The following NCAPH2 variants were observed in gnomAD, a reference collection of about 807,000 sequenced individuals.
NCAPH2 encodes the protein non-SMC condensin II complex subunit H2.
In NCAPH2, 56 loss-of-function variants were observed where a neutral mutation model predicts 88.6. The ratio of observed to expected loss-of-function variants is 0.63; its 90% confidence interval spans 0.51 to 0.79. The LOEUF is 0.79. Among genes scored for constraint, NCAPH2 ranks in the 30% least tolerant of loss-of-function variants. The pLI is 0.00. For synonymous variants in NCAPH2, 378 were observed against 313.6 expected (o/e 1.21, Z -2.17); for missense variants, 794 against 792.0 (o/e 1.00, Z -0.03).
chr22:50,522,181 A>T lies in NCAPH2; in HGVS notation c.1163A>T (p.Asp388Val). ...GCCCTCACAAGGCCTTTGTCTGCAG[A>T]CATGGAGGTCCTGTACTGGACACAC... ...RLRRKGPSFA[D>V]MEVLYWTHVK... is the part of the protein sequence containing the mutation. Residue 388 changes from aspartate (D) to valine (V), a missense_variant and splice_region_variant, in exon 14 of 20, where the codon GAC becomes GTC. Around this residue, in one of 2 missense-constraint regions of NCAPH2, gnomAD observed 735 missense variants for 696.3 expected, o/e 1.06. Transcript: ENST00000420993. 6.2e-7 allele frequency: 1 copy of T among 1,613,148 alleles called. No homozygotes were observed. Among genetic ancestry groups the T allele is most frequent in the African/African-American group, 1.3e-5 (1 of 75,020 alleles).
chr22:50,518,721 C>G lies in NCAPH2; in HGVS notation c.719C>G (p.Ser240Cys), dbSNP rs201371265. Reference protein sequence around the residue: ...CRSPVPALGFSQEPGPSPEGP... With the variant: ...CRSPVPALGFCQEPGPSPEGP... ...AGCCCTGTCCCAGCACTCGGCTTCT[C>G]CCAGGAGCCAGGTGAGAAGAGAGCT... Residue 240 changes from serine (S) to cysteine (C), a missense_variant, in exon 8 of 20, where the codon TCC becomes TGC. By Grantham distance (112) the Ser-to-Cys change is moderately radical. This residue lies in a region of NCAPH2 where 735 missense variants were observed against 696.3 expected (regional missense o/e 1.06). Coordinates refer to ENST00000420993, the MANE Select transcript of NCAPH2 (RefSeq NM_152299.4). 2.1e-5 allele frequency: 33 copies of G among 1,605,414 alleles called. No individual in the cohort carries two copies. In the Admixed American group the frequency reaches 4.1e-4, roughly 20 times the overall value.
At position 50,518,261 on chromosome 22, in the gene NCAPH2, T is replaced by C. The variant is rs2148662764; in HGVS notation, c.629T>C (p.Met210Thr). 1.2e-6 allele frequency: 2 copies of C among 1,613,218 alleles called. No individual in the cohort carries two copies. The highest frequency in any genetic ancestry group is 3.5e-4 in the Middle Eastern group (2 of 5,694). Reference protein sequence around the residue: ...SPMEPAGVSPMPGTQKDTGRT... With the variant: ...SPMEPAGVSPTPGTQKDTGRT... The stretch of plus-strand genomic sequence containing the variant: ...ATGGAACCAGCGGGCGTTTCCCCCA[T>C]GCCAGGGACCCAGAAGGGTGAGGGC... Residue 210 changes from methionine to threonine, a missense_variant, in exon 7 of 20, where the codon ATG (methionine) becomes ACG (threonine). Coordinates refer to ENST00000420993, the MANE Select transcript of NCAPH2 (RefSeq NM_152299.4).
chr22:50,519,361 C>G, intron 9 of NCAPH2, 41 bp downstream of exon 9: 1 of 1,606,250 alleles, frequency 6.2e-7, no homozygotes, highest in Non-Finnish European at 8.5e-7. Flanking sequence ...GAGCTGTGAA[C>G]TGGCAACCCT....
chr22:50,516,446 G>A lies in NCAPH2; in HGVS notation c.109-1G>A. 1 of 1,614,066 alleles carries A rather than the reference G, an allele frequency of 6.2e-7. No individual in the cohort carries two copies. Among genetic ancestry groups the A allele is most frequent in the Non-Finnish European group, 8.5e-7 (1 of 1,179,928 alleles). ...CCCTGTCTTTGTGTTGTTTCTTGCA[G>A]CTGGATCAGATCTGCATTTCTTTTG... is the stretch of plus-strand genomic sequence containing the variant. On this transcript the variant is annotated splice_acceptor_variant, in intron 1 of 19. Coordinates refer to ENST00000420993, the MANE Select transcript of NCAPH2 (RefSeq NM_152299.4). LOFTEE classifies it high-confidence loss of function.
chr22:50,519,274 C>A lies in NCAPH2; in HGVS notation c.815C>A (p.Ala272Asp). The A allele has an allele frequency of 1.9e-6, 3 of 1,606,654 alleles. No individual in the cohort carries two copies. The highest frequency in any genetic ancestry group is 2.5e-6 in the Non-Finnish European group (3 of 1,177,306). Residue 272 changes from alanine to aspartate, a missense_variant, in exon 9 of 20, where the codon GCC becomes GAC. Around this residue, in one of 2 missense-constraint regions of NCAPH2, gnomAD observed 735 missense variants for 696.3 expected, o/e 1.06. Coordinates refer to ENST00000420993, the MANE Select transcript of NCAPH2 (RefSeq NM_152299.4). ...EEAVELPEAS[A>D]PKAALEPKES... is the part of the protein sequence containing the mutation. ...GCAGTAGAGCTTCCTGAGGCCTCGGCCCCCAAGGCCGCTCTGGAGCCCAAG... is the reference window on the plus strand; with the variant it reads ...GCAGTAGAGCTTCCTGAGGCCTCGGACCCCAAGGCCGCTCTGGAGCCCAAG...
chr22:50,515,809 G>A, intron 1 of NCAPH2: 1 of 1,297,232 alleles, frequency 7.7e-7, no homozygotes, highest in Non-Finnish European at 1.0e-6. Context: ...GGGGACATTT[G>A]AATGTACTCT....
chr22:50,510,170 C>T (rs958788454), intron 1 of NCAPH2, among the ~76,000 whole-genome samples: 10 of 152,204 alleles, frequency 6.6e-5, no homozygotes, highest in African/African-American at 1.7e-4. Context: ...ATCCGCCTGC[C>T]TTGGCCTCCC....
chr22:50,512,067 T>A (rs1056523789), intron 1 of NCAPH2, among the ~76,000 whole-genome samples: 2 of 152,202 alleles, frequency 1.3e-5, no homozygotes, highest in African/African-American at 2.4e-5. Flanking sequence ...ATTGCAGGTG[T>A]GAGCCACTGC....
Position 50,523,785 on chromosome 22 carries a change from G to A in NCAPH2, c.*410G>A, listed in dbSNP as rs767336003. On this transcript the variant is annotated 3_prime_UTR_variant, in exon 20 of 20. Transcript: ENST00000420993. ...GGTCCTCATCCTTGGGGCCTGCATT[G>A]TAGTACACGCGGTAACTGTGACTAG... is the stretch of plus-strand genomic sequence containing the variant. 1.9e-6 allele frequency: 3 copies of A among 1,614,188 alleles called. No individual in the cohort carries two copies. The East Asian group carries it at 6.7e-5, about 36-fold the overall frequency.
rs2069171762 is a variant in NCAPH2 at position 50,523,268 on chromosome 22, C to T, written c.1711C>T (p.Pro571Ser). The T allele has an allele frequency of 1.9e-6, 3 of 1,610,990 alleles. No homozygotes were observed. The highest frequency in any genetic ancestry group is 2.5e-6 in the Non-Finnish European group (3 of 1,178,750). The change falls in exon 20 of 20, where the codon CCC becomes TCC. Residue 571 changes from proline to serine, a missense_variant. Coordinates refer to ENST00000420993, the MANE Select transcript of NCAPH2 (RefSeq NM_152299.4). The part of the protein sequence containing the change: ...NDYTVEITQQ[P>S]GLEMAVDTMS... ...CTACACAGTGGAGATAACCCAGCAG[C>T]CCGGGCTGGAGATGGCCGTGGACAC...
At chr22:50,511,943 G>A (rs2068795748) in intron 1 of NCAPH2, among the ~76,000 whole-genome samples, 1 of 152,138 alleles carries the variant, frequency 6.6e-6, no homozygotes, top group African/African-American at 2.4e-5. Flanking sequence ...CACCGTGCCT[G>A]GCCCCAGCTA....
In NCAPH2 at chr22:50,524,080, CCT is replaced by C; in HGVS notation, c.*708_*709del. 3.7e-6 allele frequency: 6 copies of C among 1,613,244 alleles called. No homozygotes were observed. The highest frequency in any genetic ancestry group is 5.1e-6 in the Non-Finnish European group (6 of 1,180,032). On this transcript the variant is annotated 3_prime_UTR_variant, in exon 20 of 20. Coordinates refer to ENST00000420993, the MANE Select transcript of NCAPH2 (RefSeq NM_152299.4). ...GAAGTCAGCCTTGCAGCGAGCCCGG[CCT>C]CTGTGATCCAGCAGGTGGAAGTCGC...
At position 50,524,553 on chromosome 22, in the gene NCAPH2, C is replaced by A; in HGVS notation, c.*1178C>A. The A allele has an allele frequency of 1.2e-6, 1 of 834,330 alleles. No individual in the cohort carries two copies. The highest frequency in any genetic ancestry group is 2.0e-6 in the Non-Finnish European group (1 of 492,720). 51.7% of individuals were successfully genotyped at this position (834,330 alleles called of 1,614,324 possible). On this transcript the variant is annotated 3_prime_UTR_variant, in exon 20 of 20. Coordinates refer to ENST00000420993, the MANE Select transcript of NCAPH2 (RefSeq NM_152299.4). ...CACGTTCAGGCTTAACAGGCATTTG[C>A]AGCTGCTCACCTGAGCTCAGAACTC... is the stretch of plus-strand genomic sequence containing the variant.
In NCAPH2 at chr22:50,523,274, C is replaced by T. The variant is rs762782697; in HGVS notation, c.1717C>T (p.Leu573=). 1.2e-6 allele frequency: 2 copies of T among 1,609,778 alleles called. No homozygotes were observed. The highest frequency in any genetic ancestry group is 2.2e-5 in the East Asian group (1 of 44,698). Residue 573 remains leucine (L), a synonymous_variant, in exon 20 of 20, where the codon CTG becomes TTG. Coordinates refer to ENST00000420993, the MANE Select transcript of NCAPH2 (RefSeq NM_152299.4). ...YTVEITQQPG[L]EMAVDTMSLR... is the part of the protein sequence containing the mutation. ...AGTGGAGATAACCCAGCAGCCCGGG[C>T]TGGAGATGGCCGTGGACACCATGTC...
chr22:50,522,735 G>GA lies in NCAPH2; in HGVS notation c.1425+16dup. 1 of 1,612,792 alleles carries GA rather than the reference G, an allele frequency of 6.2e-7. No homozygotes were observed. The stretch of plus-strand genomic sequence containing the variant: ...GAAGGAATGTGGTAGGCCTGGGTTA[G>GA]AGGGAGACGGGGAGGGGAGGGGGAC... On this transcript the variant is annotated intron_variant, in intron 17 of 19. Coordinates refer to ENST00000420993, the MANE Select transcript of NCAPH2 (RefSeq NM_152299.4).
chr22:50,522,306 G>A (rs778010371), intron 14 of NCAPH2, 37 bp from the exon 15 acceptor site: 38 of 1,605,690 alleles, frequency 2.4e-5, no homozygotes, highest in Non-Finnish European at 3.1e-5. Flanking sequence ...CCTGATGGGA[G>A]GTGACAGTGC....
chr22:50,522,530 G>C lies in NCAPH2; in HGVS notation c.1336G>C (p.Glu446Gln), dbSNP rs372784021. 9 of 1,613,704 alleles carry C rather than the reference G, an allele frequency of 5.6e-6. No individual in the cohort carries two copies. In the African/African-American group the frequency reaches 1.2e-4, roughly 22 times the overall value. Residue 446 changes from glutamate to glutamine, a missense_variant, in exon 16 of 20, where the codon GAG becomes CAG. This residue lies in a region of NCAPH2 where 735 missense variants were observed against 696.3 expected (regional missense o/e 1.06). Coordinates refer to ENST00000420993, the MANE Select transcript of NCAPH2 (RefSeq NM_152299.4). ...CTTTCTAGAGCCTGAGGAGTACATGGAGCCCGAGGGAGCAGACCCCAGGGA... is the reference window on the plus strand; with the variant it reads ...CTTTCTAGAGCCTGAGGAGTACATGCAGCCCGAGGGAGCAGACCCCAGGGA... ...DDFLEPEEYM[E>Q]PEGADPREAA...
Position 50,522,218 on chromosome 22 carries a change from G to A in NCAPH2, c.1200G>A (p.Gln400=). ...EVLYWTHVKE[Q]LETLRKLQRR... ...TGTACTGGACACACGTGAAGGAGCA[G>A]TTGGAAACTCTCCGGAAGCTGCAGA... is the stretch of plus-strand genomic sequence containing the variant. The change falls in exon 14 of 20, where the codon CAG becomes CAA. Residue 400 remains glutamine (Q), a synonymous_variant. Transcript: ENST00000420993. 1 of 1,613,890 alleles carries A rather than the reference G, an allele frequency of 6.2e-7. No homozygotes were observed. Among genetic ancestry groups the A allele is most frequent in the Non-Finnish European group, 8.5e-7 (1 of 1,179,986 alleles).
At chr22:50,522,294 G>A (rs777751669) in intron 14 of NCAPH2, 43 bp downstream of exon 14, 4 of 1,607,490 alleles carry the variant, frequency 2.5e-6, no homozygotes, top group Admixed American at 3.4e-5. Context: ...CCCCGTGGTG[G>A]CCCTGATGGG....
Sources: allele counts gnomAD v4.1 joint callset (sites outside exome capture counted in the v4.1 genomes callset), GRCh38; gene constraint gnomAD v4.1.1; regional missense constraint gnomAD v4.1.1; transcripts MANE v1.5; gene names NCBI Gene and HGNC (gene_info 2026-07-23, HGNC 2026-07-21).